The following EHMT1 variants were observed in gnomAD, a reference collection of about 807,000 sequenced individuals.
EHMT1 encodes euchromatic histone lysine methyltransferase 1, also known as histone-lysine N-methyltransferase EHMT1.
EHMT1 carries 15 observed loss-of-function variants against 147.2 expected under a neutral mutation model. The observed-to-expected ratio is 0.10, with a 90% confidence interval of 0.07 to 0.16. The LOEUF is 0.16. Ranked by LOEUF, EHMT1 falls within the 10% of genes least tolerant of loss-of-function variation. The probability of loss-of-function intolerance (pLI) is 1.00; values close to 1 mark genes in which losing one functional copy is unlikely to be tolerated. For synonymous variants in EHMT1, 795 were observed against 709.6 expected (o/e 1.12, Z -1.91); for missense variants, 1,587 against 1,772.4 (o/e 0.90, Z 1.88).
At chr9:137,705,307 C>G (rs1944173743) in intron 1 of EHMT1, among the ~76,000 whole-genome samples, 1 of 152,172 alleles carries the variant, frequency 6.6e-6, no homozygotes, top group Admixed American at 6.5e-5. Flanking sequence ...ATTCCTTTAA[C>G]TTGCGTTTGA....
chr9:137,683,418 T>C (rs1266994842), intron 1 of EHMT1, among the ~76,000 whole-genome samples: 1 of 152,176 alleles, frequency 6.6e-6, no homozygotes, highest in East Asian at 1.9e-4. Context: ...TGTATAACCT[T>C]CCAAACATTT....
chr9:137,620,533 G>A (rs71510835), intron 1 of EHMT1, among the ~76,000 whole-genome samples: 15,984 of 152,072 alleles, frequency 0.11, 1,333 homozygotes, highest in Admixed American at 0.27. Flanking sequence ...CTCCCACCTC[G>A]GGTGCTGCCA....
At chr9:137,756,214 G>A (rs1949366117) in intron 8 of EHMT1, among the ~76,000 whole-genome samples, 2 of 152,240 alleles carry the variant, frequency 1.3e-5, no homozygotes, top group South Asian at 4.1e-4. Context: ...TGATGTTTGA[G>A]TGAGCTGTGG....
Position 137,731,350 on chromosome 9 carries a change from C to G in EHMT1, c.823+2821C>G, listed in dbSNP as rs752689237. Among the ~76,000 whole-genome samples the G allele has an allele frequency of 6.6e-6, 1 of 152,184 alleles. No individual in the cohort carries two copies. Among genetic ancestry groups the G allele is most frequent in the Non-Finnish European group, 1.5e-5 (1 of 68,036 alleles). On this transcript the variant is annotated intron_variant, in intron 4 of 26. Coordinates refer to ENST00000460843, the MANE Select transcript of EHMT1 (RefSeq NM_024757.5). The surrounding 1 kb of genome is among the most constrained non-coding windows in gnomAD (Gnocchi z 4.3). ...GTCACCCCAGGGCTTCCGGAGTGGG[C>G]ACAGAAGTTACAGTTTCTGTGCTAG...
At position 137,787,870 on chromosome 9, in the gene EHMT1, G is replaced by T. The variant is rs34353192; in HGVS notation, c.2383-2978G>T. Reference sequence around the variant, plus strand: ...GGTGGACATTGGGGATAGGAGGTGGGTGGGGGTGCCAAGGGCATTACCACA... The same window carrying T: ...GGTGGACATTGGGGATAGGAGGTGGTTGGGGGTGCCAAGGGCATTACCACA... On this transcript the variant is annotated intron_variant, in intron 15 of 26. Coordinates refer to ENST00000460843, the MANE Select transcript of EHMT1 (RefSeq NM_024757.5). This position sits in a 1 kb window ranked among gnomAD's most constrained non-coding sequence, Gnocchi z 4.2. 1 of 1,191,956 alleles carries T rather than the reference G, an allele frequency of 8.4e-7. No homozygotes were observed. The allele number at this position is 1,191,956 out of a possible 1,614,324, so 73.8% of individuals were successfully genotyped here.
intron 22 of EHMT1, chr9:137,814,850 G>A: frequency 2.2e-6 from 1 of 460,424 alleles, no homozygotes; most frequent in South Asian, 2.1e-5. Context: ...TGCTTGCTGA[G>A]TGTGAGGGGT....
intron 24 of EHMT1, chr9:137,817,856 G>C (rs1483062093): frequency 1.6e-6 from 1 of 640,574 alleles, no homozygotes; most frequent in Non-Finnish European, 2.8e-6. Flanking sequence ...CGCAGACGCA[G>C]AGCTTTCGGT....
chr9:137,758,184 G>A (rs1288919354), intron 9 of EHMT1, among the ~76,000 whole-genome samples, 173 bp downstream of exon 9: 2 of 152,206 alleles, frequency 1.3e-5, no homozygotes, highest in Admixed American at 1.3e-4. Context: ...GTGTCCCGGT[G>A]TTCAAGTGAA....
intron 8 of EHMT1, among the ~76,000 whole-genome samples, chr9:137,756,704 G>A (rs989627220): frequency 6.6e-6 from 1 of 152,224 alleles, no homozygotes; most frequent in African/African-American, 2.4e-5. Context: ...TGTTTTTGGG[G>A]TAGAGATTTC....
At chr9:137,823,778 G>A (rs764869772) in intron 25 of EHMT1, among the ~76,000 whole-genome samples, 1 of 151,528 alleles carries the variant, frequency 6.6e-6, no homozygotes, top group African/African-American at 2.4e-5. Flanking sequence ...GGCTGGTCTC[G>A]AACTCCTGAC....
rs532007537 is a variant in EHMT1 at position 137,659,237 on chromosome 9, C to T, written c.21+40188C>T. On this transcript the variant is annotated intron_variant, in intron 1 of 26. Coordinates refer to ENST00000460843, the MANE Select transcript of EHMT1 (RefSeq NM_024757.5). ...AATGTTGAACATCTCCAATGTGGTA[C>T]TTGGTTGGCTTTTCTGTGAAATGTC... 2.6e-5 allele frequency among the ~76,000 whole-genome samples: 4 copies of T among 151,592 alleles called. No individual in the cohort carries two copies. The South Asian group carries it at 6.2e-4, about 24-fold the overall frequency.
intron 16 of EHMT1, among the ~76,000 whole-genome samples, 188 bp downstream of exon 16, chr9:137,791,158 T>A (rs1428458965): frequency 6.6e-6 from 1 of 152,204 alleles, no homozygotes; most frequent in Non-Finnish European, 1.5e-5. Context: ...TAGTGAGTGC[T>A]CACTCTCTAC....
chr9:137,704,186 A>T (rs987154675), intron 1 of EHMT1, among the ~76,000 whole-genome samples: 4 of 152,138 alleles, frequency 2.6e-5, no homozygotes, highest in African/African-American at 9.7e-5. Flanking sequence ...AATATTCGGG[A>T]TTACAGTTCA....
In EHMT1 at chr9:137,716,642, C is replaced by G. The variant is rs202208554; in HGVS notation, c.102C>G (p.Ala34=). The G allele has an allele frequency of 6.0e-5, 94 of 1,572,952 alleles. No individual in the cohort carries two copies. The highest frequency in any genetic ancestry group is 7.7e-5 in the Non-Finnish European group (89 of 1,157,394). Residue 34 remains alanine, a synonymous_variant, in exon 3 of 27, where the codon GCC becomes GCG. Coordinates refer to ENST00000460843, the MANE Select transcript of EHMT1 (RefSeq NM_024757.5). ...TGTTGGCAGAGACACCTATGGCTGCCGATGAAGGCTCAGCAGAGAAACAGG... is the reference window on the plus strand; with the variant it reads ...TGTTGGCAGAGACACCTATGGCTGCGGATGAAGGCTCAGCAGAGAAACAGG... ...ELLGEETPMA[A]DEGSAEKQAG... is the part of the protein sequence containing the mutation.
intron 1 of EHMT1, among the ~76,000 whole-genome samples, chr9:137,650,198 A>G (rs773757675): frequency 2.0e-5 from 3 of 152,120 alleles, no homozygotes; most frequent in Non-Finnish European, 4.4e-5. Context: ...TCCCAGGCTC[A>G]AGTGATCCTC....
At chr9:137,743,849 G>A in intron 5 of EHMT1, 53 bp from the exon 6 acceptor site, 1 of 1,558,328 alleles carries the variant, frequency 6.4e-7, no homozygotes. Flanking sequence ...AAGCAAGTTT[G>A]TTCATGATGC....
chr9:137,770,898 G>T (rs1344488719), intron 10 of EHMT1, among the ~76,000 whole-genome samples: 1 of 152,108 alleles, frequency 6.6e-6, no homozygotes, highest in African/African-American at 2.4e-5. Flanking sequence ...AGTTTGTTTT[G>T]TTTGTTTTCC....
chr9:137,833,242 C>T (rs928040576), intron 25 of EHMT1, among the ~76,000 whole-genome samples: 2 of 152,214 alleles, frequency 1.3e-5, no homozygotes, highest in African/African-American at 4.8e-5. Context: ...TCTCGGAACT[C>T]GGTCCTGGAA....
chr9:137,822,034 C>T (rs1226920960), intron 25 of EHMT1, among the ~76,000 whole-genome samples: 1 of 152,194 alleles, frequency 6.6e-6, no homozygotes, highest in African/African-American at 2.4e-5. Flanking sequence ...GTAATCAATG[C>T]CACAGTCAAG....
Sources: allele counts gnomAD v4.1 joint callset (sites outside exome capture counted in the v4.1 genomes callset), GRCh38; gene constraint gnomAD v4.1.1; non-coding constraint Gnocchi (gnomAD v3.1); transcripts MANE v1.5; gene names NCBI Gene and HGNC (gene_info 2026-07-23, HGNC 2026-07-21).